Variants in ANXA8 observed in about 807,000 individuals in gnomAD.
ANXA8 encodes VAC-beta.
ANXA8 carries 9 observed loss-of-function variants against 26.8 expected under a neutral mutation model. The ratio of observed to expected loss-of-function variants is 0.34; its 90% CI spans 0.20 to 0.59. The LOEUF (loss-of-function observed/expected upper bound fraction) is 0.59. Among genes scored for constraint, ANXA8 ranks in the 20% least tolerant of loss-of-function variants. The pLI, the probability that ANXA8 is intolerant of heterozygous loss-of-function variation, is 0.84. For missense variants in ANXA8, 83 were observed against 238.5 expected, an observed-to-expected ratio of 0.35 and a Z score of 4.29; for synonymous variants, 39 against 94.8, an observed-to-expected ratio of 0.41 and a Z score of 3.42.
the ANXA8 span, among the ~76,000 whole-genome samples, chr10:47,736,026 AC>A: frequency 9.2e-6 from 1 of 108,868 alleles, no homozygotes; most frequent in Admixed American, 1.1e-4. Flanking sequence ...GGGTCAAAGT[AC>A]TTGTATGTAT....
chr10:47,504,740 T>TA, the ANXA8 span, among the ~76,000 whole-genome samples: 1 of 137,536 alleles, frequency 7.3e-6, no homozygotes, highest in Non-Finnish European at 1.5e-5. Context: ...TTTGTAAAAC[T>TA]AATGCATTGT....
At chr10:47,727,191 G>A in the ANXA8 span, among the ~76,000 whole-genome samples, 1 of 152,308 alleles carries the variant, frequency 6.6e-6, no homozygotes, top group African/African-American at 2.4e-5. Context: ...TACATTTCCT[G>A]TTGGTAAGCA....
the ANXA8 span, among the ~76,000 whole-genome samples, chr10:47,969,840 C>A: frequency 6.0e-4 from 91 of 151,348 alleles, 4 homozygotes; most frequent in Non-Finnish European, 1.1e-3. Context: ...CTCAGCCTCC[C>A]AAAGTGCTGG....
At chr10:47,556,146 A>C in the ANXA8 span, among the ~76,000 whole-genome samples, 3 of 151,886 alleles carry the variant, frequency 2.0e-5, no homozygotes, top group Non-Finnish European at 4.4e-5. Flanking sequence ...AAAATAAAGA[A>C]GATCTGGTGT....
At chr10:47,580,612 G>T in the ANXA8 span, among the ~76,000 whole-genome samples, 1 of 149,590 alleles carries the variant, frequency 6.7e-6, no homozygotes, top group Non-Finnish European at 1.5e-5. Context: ...TAGTGGTGGT[G>T]AATACCTGTA....
chr10:47,943,863 C>T, the ANXA8 span, among the ~76,000 whole-genome samples: 5 of 147,804 alleles, frequency 3.4e-5, no homozygotes, highest in African/African-American at 1.3e-4. Flanking sequence ...GTGCTCCTGC[C>T]TGGTCCGGGG....
chr10:47,702,853 C>T, the ANXA8 span, among the ~76,000 whole-genome samples: 39,878 of 148,846 alleles, frequency 0.27, 4,860 homozygotes, highest in East Asian at 0.52. Flanking sequence ...TGGCTGGTCT[C>T]GGACTCCTGG....
the ANXA8 span, among the ~76,000 whole-genome samples, chr10:47,530,505 T>C: frequency 1.5e-5 from 2 of 130,766 alleles, no homozygotes; most frequent in Non-Finnish European, 3.2e-5. Context: ...TTCGCCTACA[T>C]AGTGAAATCT....
the ANXA8 span, among the ~76,000 whole-genome samples, chr10:47,899,049 G>A: frequency 6.6e-6 from 1 of 151,424 alleles, no homozygotes; most frequent in Non-Finnish European, 1.5e-5. Flanking sequence ...TGTTGGCCAG[G>A]TGGGTCTTGA....
chr10:47,508,073 G>C, the ANXA8 span, among the ~76,000 whole-genome samples: 4 of 133,630 alleles, frequency 3.0e-5, no homozygotes, highest in Admixed American at 2.4e-4. Context: ...TTTTTTTTTG[G>C]GGGGGTGGTG....
the ANXA8 span, among the ~76,000 whole-genome samples, chr10:47,762,475 G>C: frequency 7.4e-6 from 1 of 135,330 alleles, no homozygotes; most frequent in African/African-American, 2.8e-5. Flanking sequence ...ACCGCGAAGA[G>C]CGGGCCTCAG....
the ANXA8 span, among the ~76,000 whole-genome samples, chr10:47,501,000 TCTC>T: frequency 7.1e-6 from 1 of 140,878 alleles, no homozygotes; most frequent in African/African-American, 2.7e-5. Context: ...TTCACGCCAT[TCTC>T]CTGCCTCAGC....
At chr10:47,750,100 G>A in the ANXA8 span, among the ~76,000 whole-genome samples, 1 of 151,792 alleles carries the variant, frequency 6.6e-6, no homozygotes, top group South Asian at 2.1e-4. Context: ...TAATAACAGT[G>A]GCAGGCTTTA....
At chr10:47,765,844 G>A in the ANXA8 span, among the ~76,000 whole-genome samples, 1 of 150,320 alleles carries the variant, frequency 6.7e-6, no homozygotes, top group Non-Finnish European at 1.5e-5. Context: ...CTTGTGCCCA[G>A]ACTGATGCAG....
the ANXA8 span, among the ~76,000 whole-genome samples, chr10:47,708,768 TTATTAAA>T: frequency 7.6e-4 from 116 of 151,936 alleles, no homozygotes; most frequent in East Asian, 0.021. Flanking sequence ...ATCTTGAATA[TTATTAAA>T]TATATAAGTC....
At chr10:47,647,457 G>T in the ANXA8 span, among the ~76,000 whole-genome samples, 1 of 150,210 alleles carries the variant, frequency 6.7e-6, no homozygotes, top group Non-Finnish European at 1.5e-5. Flanking sequence ...TGCATATGAA[G>T]AAACATATTC....
the ANXA8 span, among the ~76,000 whole-genome samples, chr10:47,586,630 C>G: frequency 7.5e-5 from 11 of 145,866 alleles, 1 homozygote; most frequent in African/African-American, 1.4e-4. Context: ...TTTTCTGGTG[C>G]CTTCTGGCTC....
At chr10:47,550,142 G>A in the ANXA8 span, among the ~76,000 whole-genome samples, 2 of 151,162 alleles carry the variant, frequency 1.3e-5, no homozygotes, top group South Asian at 4.2e-4. Flanking sequence ...AAATATGGAT[G>A]CGCCAAAGAT....
chr10:47,658,847 ATTATTTATTTATTTATTTATTTAT>A, the ANXA8 span, among the ~76,000 whole-genome samples: 1 of 133,672 alleles, frequency 7.5e-6, no homozygotes, highest in African/African-American at 3.2e-5. Flanking sequence ...TTATTTATTT[ATTATTTATTTATTTATTTATTTAT>A]TTATTTATTT....
Sources: allele counts gnomAD v4.1 joint callset (sites outside exome capture counted in the v4.1 genomes callset), GRCh38; gene constraint gnomAD v4.1.1; transcripts MANE v1.5; gene names NCBI Gene and HGNC (gene_info 2026-07-23, HGNC 2026-07-21).